Variants in PLXDC2 observed in about 807,000 individuals in gnomAD.
PLXDC2 encodes the protein plexin domain containing 2.
PLXDC2 carries 40 observed loss-of-function variants against 68.9 expected under a neutral mutation model. That is an observed-to-expected ratio of 0.58 (90% CI 0.45 to 0.76). The LOEUF (loss-of-function observed/expected upper bound fraction) is 0.76. Ranked by LOEUF, PLXDC2 falls within the 30% of genes least tolerant of loss-of-function variation. The pLI, the probability that PLXDC2 is intolerant of heterozygous loss-of-function variation, is 0.00. For synonymous variants in PLXDC2, 243 were observed against 234.2 expected, an observed-to-expected ratio of 1.04 and a Z score of -0.34; for missense variants, 644 against 661.9, an observed-to-expected ratio of 0.97 and a Z score of 0.30.
chr10:20,216,140 A>G (rs1835134345), intron 10 of PLXDC2, among the ~76,000 whole-genome samples: 1 of 152,156 alleles, frequency 6.6e-6, no homozygotes, highest in Non-Finnish European at 1.5e-5. Context: ...ATAGAGCAAG[A>G]TGCTTGAAGC....
chr10:20,093,699 G>A (rs1190483317), intron 4 of PLXDC2, among the ~76,000 whole-genome samples: 2 of 152,118 alleles, frequency 1.3e-5, no homozygotes, highest in Admixed American at 1.3e-4. Context: ...CTTGAGACAG[G>A]GTCTCACTTC....
At chr10:19,863,579 A>G (rs902267409) in intron 1 of PLXDC2, among the ~76,000 whole-genome samples, 2 of 152,222 alleles carry the variant, frequency 1.3e-5, no homozygotes, top group African/African-American at 4.8e-5. Flanking sequence ...TGTTGTACAC[A>G]TAACTCCAAG....
At position 19,966,801 on chromosome 10, in the gene PLXDC2, C is replaced by T. The variant is rs1164329057; in HGVS notation, c.113-34974C>T. Among the ~76,000 whole-genome samples, 11 of 117,538 alleles carry T rather than the reference C, an allele frequency of 9.4e-5. No individual in the cohort carries two copies. The East Asian group carries it at 1.7e-3, about 18-fold the overall frequency. The allele number at this position is 117,538 out of a possible 152,430, so 77.1% of individuals were successfully genotyped here. ...GGCCTCCTGGGAAGAGAACGGTTCG[C>T]GTTACCATTTTTTTTTTCCCCCAGC... On this transcript the variant is annotated intron_variant, in intron 1 of 13. Transcript: ENST00000377252.
intron 12 of PLXDC2, among the ~76,000 whole-genome samples, chr10:20,236,848 A>G (rs1835439109): frequency 6.6e-6 from 1 of 152,198 alleles, no homozygotes. Flanking sequence ...AGCACCGATC[A>G]TTGAATGAGA....
rs780607940 is a variant in PLXDC2 at position 20,073,962 on chromosome 10, T to G, written c.541+5723T>G. Among the ~76,000 whole-genome samples, 92 of 152,228 alleles carry G rather than the reference T, an allele frequency of 6.0e-4. 1 individual carries two copies. The highest frequency in any genetic ancestry group is 4.6e-3 in the Admixed American group (70 of 15,288). On this transcript the variant is annotated intron_variant, in intron 4 of 13. Transcript: ENST00000377252. ...TCCGTCATGGGTACCATTACAGTGATGAGATGGGAGCATGTGAGATGGGTT... is the reference window on the plus strand; with the variant it reads ...TCCGTCATGGGTACCATTACAGTGAGGAGATGGGAGCATGTGAGATGGGTT...
At chr10:20,094,233 A>G (rs1215525182) in intron 4 of PLXDC2, among the ~76,000 whole-genome samples, 4 of 152,196 alleles carry the variant, frequency 2.6e-5, no homozygotes, top group Non-Finnish European at 5.9e-5. Flanking sequence ...ATTGTTTGAA[A>G]GTAATTTGGG....
At chr10:20,012,393 C>A (rs1314907959) in intron 2 of PLXDC2, among the ~76,000 whole-genome samples, 2 of 137,390 alleles carry the variant, frequency 1.5e-5, no homozygotes, top group Non-Finnish European at 3.0e-5. Context: ...TCTCAGCTAA[C>A]TGCACCCTCC....
chr10:20,257,315 G>C (rs544338332), intron 13 of PLXDC2, among the ~76,000 whole-genome samples: 15 of 152,078 alleles, frequency 9.9e-5, no homozygotes, highest in Non-Finnish European at 2.2e-4. Context: ...ATAAATCTAG[G>C]GTATTCTGAT....
chr10:19,971,655 C>T (rs1278485340), intron 1 of PLXDC2, among the ~76,000 whole-genome samples: 1 of 152,118 alleles, frequency 6.6e-6, no homozygotes, highest in Non-Finnish European at 1.5e-5. Context: ...TATTAGGAAA[C>T]TGTGTTGTTC....
At chr10:20,087,395 TA>T (rs34328110) in intron 4 of PLXDC2, among the ~76,000 whole-genome samples, 16,824 of 152,248 alleles carry the variant, frequency 0.11, 1,081 homozygotes, top group South Asian at 0.3. Context: ...GCTGAGTAAT[TA>T]AAAAAATTTG....
chr10:20,190,572 T>A (rs1003233674), intron 9 of PLXDC2, among the ~76,000 whole-genome samples: 7 of 147,744 alleles, frequency 4.7e-5, no homozygotes, highest in African/African-American at 1.7e-4. Flanking sequence ...GTTGTGCACA[T>A]GTACCCTAGA....
chr10:20,084,685 A>G (rs963221086), intron 4 of PLXDC2, among the ~76,000 whole-genome samples: 1 of 151,958 alleles, frequency 6.6e-6, no homozygotes, highest in Non-Finnish European at 1.5e-5. Flanking sequence ...AGACCATGAG[A>G]TTCCTCTAAA....
chr10:19,834,045 G>T (rs1367575175), intron 1 of PLXDC2, among the ~76,000 whole-genome samples: 1 of 151,842 alleles, frequency 6.6e-6, no homozygotes. Context: ...CGTCTTCATG[G>T]TGTTATTTGA....
chr10:20,217,176 T>G (rs1406274843), intron 10 of PLXDC2, among the ~76,000 whole-genome samples: 1 of 152,176 alleles, frequency 6.6e-6, no homozygotes, highest in Admixed American at 6.5e-5. Flanking sequence ...TATGAAAGCT[T>G]AACAGCAGTA....
intron 4 of PLXDC2, among the ~76,000 whole-genome samples, chr10:20,132,714 T>G (rs1833883448): frequency 6.6e-6 from 1 of 152,010 alleles, no homozygotes; most frequent in East Asian, 1.9e-4. Context: ...TTTCAGCATA[T>G]GAGTGTCCTT....
chr10:20,001,014 G>C (rs113334124), intron 1 of PLXDC2, among the ~76,000 whole-genome samples: 2 of 152,302 alleles, frequency 1.3e-5, no homozygotes, highest in African/African-American at 4.8e-5. Flanking sequence ...AGGATGAGCT[G>C]GGTCAGCAAG....
At chr10:20,014,315 T>TTTCC (rs1239244320) in intron 2 of PLXDC2, among the ~76,000 whole-genome samples, 2 of 119,504 alleles carry the variant, frequency 1.7e-5, no homozygotes, top group African/African-American at 6.3e-5. Flanking sequence ...CTCGCCCCAC[T>TTTCC]TTCCTTCCTT....
chr10:19,960,947 G>A (rs1351857580), intron 1 of PLXDC2, among the ~76,000 whole-genome samples: 1 of 152,204 alleles, frequency 6.6e-6, no homozygotes, highest in African/African-American at 2.4e-5. Flanking sequence ...TAGCGCCTCA[G>A]GAAGCTGAGC....
chr10:19,820,045 T>C (rs1836433558), intron 1 of PLXDC2, among the ~76,000 whole-genome samples: 1 of 152,232 alleles, frequency 6.6e-6, no homozygotes, highest in South Asian at 2.1e-4. Flanking sequence ...CTTTTTCCTT[T>C]AGAGAACAGA....
Sources: allele counts gnomAD v4.1 joint callset (sites outside exome capture counted in the v4.1 genomes callset), GRCh38; gene constraint gnomAD v4.1.1; transcripts MANE v1.5; gene names NCBI Gene and HGNC (gene_info 2026-07-23, HGNC 2026-07-21).